The following EPHA6 variants were observed in gnomAD, a reference collection of about 807,000 sequenced individuals.
EPHA6 encodes the protein EPH receptor A6, also known as ephrin type-A receptor 6.
Under a neutral mutation model 112.0 loss-of-function variants are expected in EPHA6, and 50 were observed. The observed-to-expected ratio is 0.45, with a 90% CI of 0.36 to 0.56. The LOEUF (loss-of-function observed/expected upper bound fraction) is 0.56. Ranked by LOEUF, EPHA6 falls within the 20% of genes least tolerant of loss-of-function variation. The pLI is 0.00. For synonymous variants in EPHA6, 529 were observed against 490.7 expected (o/e 1.08, Z -1.03); for missense variants, 1,280 against 1,417.4 (o/e 0.90, Z 1.56).
At chr3:97,067,321 G>A (rs918713282) in intron 3 of EPHA6, among the ~76,000 whole-genome samples, 1 of 152,090 alleles carries the variant, frequency 6.6e-6, no homozygotes, top group Non-Finnish European at 1.5e-5. Flanking sequence ...ACACAGGTGA[G>A]TAAAAGACAA....
rs186498413 is a variant in EPHA6 at position 97,209,205 on chromosome 3, C to T, written c.1115-17059C>T. ...CTTCTTTATATGAAATGATAAATAACAGGTATTAAGATGAGGATGCATATG... is the reference window on the plus strand; with the variant it reads ...CTTCTTTATATGAAATGATAAATAATAGGTATTAAGATGAGGATGCATATG... On this transcript the variant is annotated intron_variant, in intron 3 of 17. Coordinates refer to ENST00000389672, the MANE Select transcript of EPHA6 (RefSeq NM_001080448.3). 2.6e-3 allele frequency among the ~76,000 whole-genome samples: 389 copies of T among 152,048 alleles called. 1 individual carries two copies. The highest frequency in any genetic ancestry group is 3.8e-3 in the Non-Finnish European group (255 of 67,988).
At chr3:97,407,651 A>G (rs1055254691) in intron 6 of EPHA6, among the ~76,000 whole-genome samples, 1 of 152,064 alleles carries the variant, frequency 6.6e-6, no homozygotes, top group East Asian at 1.9e-4. Context: ...CTTTAACTCA[A>G]GTGAATACAG....
intron 3 of EPHA6, among the ~76,000 whole-genome samples, chr3:97,090,457 T>C (rs2047029366): frequency 6.6e-6 from 1 of 152,090 alleles, no homozygotes; most frequent in Non-Finnish European, 1.5e-5. Flanking sequence ...ATTTTTTTGC[T>C]CTAAATTTAT....
At chr3:97,445,097 A>T (rs2090290400) in intron 6 of EPHA6, among the ~76,000 whole-genome samples, 2 of 152,112 alleles carry the variant, frequency 1.3e-5, no homozygotes, top group South Asian at 2.1e-4. Context: ...TTGGATACAA[A>T]TATGTCAAAC....
At chr3:97,466,211 C>G (rs527442145) in intron 7 of EPHA6, 29 of 788,096 alleles carry the variant, frequency 3.7e-5, no homozygotes, top group Non-Finnish European at 6.0e-5. Context: ...ATCCAGTTAC[C>G]GGGCAAACAG....
intron 3 of EPHA6, among the ~76,000 whole-genome samples, chr3:97,220,692 C>T (rs747081959): frequency 8.5e-5 from 13 of 152,138 alleles, no homozygotes; most frequent in Non-Finnish European, 1.9e-4. Context: ...ATTATATCCA[C>T]GTGGTCTCTC....
intron 2 of EPHA6, among the ~76,000 whole-genome samples, chr3:96,932,040 TC>T (rs1020279521): frequency 6.6e-6 from 1 of 152,068 alleles, no homozygotes; most frequent in African/African-American, 2.4e-5. Flanking sequence ...GTTGCAAAGA[TC>T]CATGGGAGGA....
intron 15 of EPHA6, among the ~76,000 whole-genome samples, chr3:97,734,142 C>T (rs2035155155): frequency 6.6e-6 from 1 of 151,996 alleles, no homozygotes; most frequent in Admixed American, 6.6e-5. Context: ...AAGTGCATAG[C>T]ACATGGTAGA....
chr3:97,479,184 TG>T, intron 8 of EPHA6, 109 bp from the exon 9 acceptor site: 1 of 579,922 alleles, frequency 1.7e-6, no homozygotes. Context: ...ATTTTAAAAG[TG>T]GTCTTTATGA....
intron 3 of EPHA6, among the ~76,000 whole-genome samples, chr3:97,053,317 A>G (rs968356292): frequency 1.3e-5 from 2 of 152,096 alleles, no homozygotes; most frequent in South Asian, 4.1e-4. Flanking sequence ...GAGAAGGACT[A>G]GTAAGTTCAA....
At chr3:97,315,105 A>G (rs1182460206) in intron 5 of EPHA6, among the ~76,000 whole-genome samples, 1 of 150,886 alleles carries the variant, frequency 6.6e-6, no homozygotes, top group Non-Finnish European at 1.5e-5. Context: ...TCTGCAGAAG[A>G]TTGCAAATAT....
At chr3:96,945,798 C>T (rs1576128893) in intron 2 of EPHA6, among the ~76,000 whole-genome samples, 1 of 152,094 alleles carries the variant, frequency 6.6e-6, no homozygotes, top group East Asian at 1.9e-4. Context: ...AGAATAAATG[C>T]ATGATCTTGT....
chr3:97,332,827 A>G (rs187932404), intron 5 of EPHA6, among the ~76,000 whole-genome samples: 59 of 152,236 alleles, frequency 3.9e-4, no homozygotes, highest in African/African-American at 1.3e-3. Flanking sequence ...TTATACATCT[A>G]TAGTCCCTTC....
intron 3 of EPHA6, among the ~76,000 whole-genome samples, chr3:97,175,785 G>A (rs1332438432): frequency 6.6e-6 from 1 of 151,602 alleles, no homozygotes; most frequent in Admixed American, 6.6e-5. Flanking sequence ...TAGTTTTCTT[G>A]TGTTTCTTTT....
chr3:96,845,117 A>T (rs972528306), intron 1 of EPHA6, among the ~76,000 whole-genome samples: 11 of 151,988 alleles, frequency 7.2e-5, no homozygotes, highest in African/African-American at 2.7e-4. Flanking sequence ...TTCTTTTTTT[A>T]AACGAGGAAA....
chr3:96,907,116 TA>T lies in EPHA6; in HGVS notation c.450+40234del, dbSNP rs200196028. Reference sequence around the variant, plus strand: ...TTATAATGAAAGGATCTGCAGAAATTAAAAAAACATATATACAATGGGCATG... The same window carrying T: ...TTATAATGAAAGGATCTGCAGAAATTAAAAAACATATATACAATGGGCATG... On this transcript the variant is annotated intron_variant, in intron 2 of 17. Transcript: ENST00000389672. 3.3e-5 allele frequency among the ~76,000 whole-genome samples: 5 copies of T among 151,942 alleles called. No homozygotes were observed. In the East Asian group the frequency reaches 7.7e-4, roughly 24 times the overall value.
intron 3 of EPHA6, among the ~76,000 whole-genome samples, chr3:97,152,783 A>G (rs1013201143): frequency 1.3e-5 from 2 of 152,128 alleles, no homozygotes; most frequent in African/African-American, 4.8e-5. Flanking sequence ...AGGAAAGCCA[A>G]CTCAATGTCT....
chr3:97,340,463 A>T (rs1242519114), intron 5 of EPHA6, among the ~76,000 whole-genome samples: 1 of 152,222 alleles, frequency 6.6e-6, no homozygotes, highest in African/African-American at 2.4e-5. Flanking sequence ...TTTTGCTCTC[A>T]GGCTTTTTCC....
At chr3:97,737,597 G>A (rs896098062) in intron 16 of EPHA6, among the ~76,000 whole-genome samples, 1 of 152,056 alleles carries the variant, frequency 6.6e-6, no homozygotes, top group Admixed American at 6.6e-5. Flanking sequence ...TTACCCCAGA[G>A]AGAGGGAGAG....
Sources: allele counts gnomAD v4.1 joint callset (sites outside exome capture counted in the v4.1 genomes callset), GRCh38; gene constraint gnomAD v4.1.1; transcripts MANE v1.5; gene names NCBI Gene and HGNC (gene_info 2026-07-23, HGNC 2026-07-21).